Variants in RARB observed in about 807,000 individuals in gnomAD.
RARB encodes HBV-activated protein.
Under a neutral mutation model 51.9 loss-of-function variants are expected in RARB, and 17 were observed. The observed-to-expected ratio is 0.33, with a 90% CI of 0.22 to 0.49. The LOEUF (loss-of-function observed/expected upper bound fraction) is 0.49, where lower values mean the gene tolerates loss of function less well. RARB is among the 20% of genes least tolerant of loss of function. The pLI, the probability that RARB is intolerant of heterozygous loss-of-function variation, is 0.99. For missense variants in RARB, 369 were observed against 550.8 expected, an observed-to-expected ratio of 0.67 and a Z score of 3.30; for synonymous variants, 215 against 195.4, an observed-to-expected ratio of 1.10 and a Z score of -0.84.
intron 5 of RARB, among the ~76,000 whole-genome samples, chr3:25,397,580 A>T (rs1707150476): frequency 6.6e-6 from 1 of 152,198 alleles, no homozygotes; most frequent in Non-Finnish European, 1.5e-5. Flanking sequence ...AAACCTCTCG[A>T]TAATAATTTT....
At chr3:25,035,445 T>C (rs1002714550) in intron 2 of RARB, among the ~76,000 whole-genome samples, 2 of 112,314 alleles carry the variant, frequency 1.8e-5, no homozygotes, top group Non-Finnish European at 3.9e-5. Context: ...TTTTTTTTTT[T>C]TTCTCTCAAG....
chr3:25,564,357 C>T (rs1172793557), intron 3 of RARB, among the ~76,000 whole-genome samples: 3 of 152,248 alleles, frequency 2.0e-5, no homozygotes, highest in African/African-American at 7.2e-5. Flanking sequence ...GAGCACCTTT[C>T]ATCCAAGAAG....
chr3:25,271,335 C>T (rs1471414704), intron 5 of RARB, among the ~76,000 whole-genome samples: 1 of 152,178 alleles, frequency 6.6e-6, no homozygotes, highest in Non-Finnish European at 1.5e-5. Flanking sequence ...AAATAACTAG[C>T]TCTTGAAATG....
chr3:25,091,364 C>T (rs1462998413), intron 3 of RARB, among the ~76,000 whole-genome samples: 1 of 152,152 alleles, frequency 6.6e-6, no homozygotes, highest in East Asian at 1.9e-4. Flanking sequence ...AATGAATTCT[C>T]AAGCTACTGC....
At chr3:25,155,927 C>T (rs1321131529) in intron 4 of RARB, among the ~76,000 whole-genome samples, 2 of 152,158 alleles carry the variant, frequency 1.3e-5, no homozygotes, top group African/African-American at 4.8e-5. Context: ...AACTTAAAAC[C>T]CCCTCCATTG....
intron 5 of RARB, among the ~76,000 whole-genome samples, chr3:25,340,970 T>C (rs1057119605): frequency 1.3e-5 from 2 of 152,218 alleles, no homozygotes; most frequent in Non-Finnish European, 2.9e-5. Context: ...CTTCTGCAGA[T>C]ATTTTCTGTA....
intron 3 of RARB, among the ~76,000 whole-genome samples, chr3:25,551,819 T>C (rs185430447): frequency 6.6e-6 from 1 of 152,268 alleles, no homozygotes; most frequent in East Asian, 1.9e-4. Context: ...ATGTCTCAAG[T>C]TGAGTGTTTC....
intron 5 of RARB, among the ~76,000 whole-genome samples, chr3:25,374,131 G>A (rs1321816515): frequency 1.3e-5 from 2 of 152,152 alleles, no homozygotes; most frequent in Admixed American, 1.3e-4. Flanking sequence ...AGGGTAGGAG[G>A]GCTGAGTGGA....
intron 3 of RARB, among the ~76,000 whole-genome samples, chr3:25,527,671 T>C (rs1013293865): frequency 6.6e-6 from 1 of 152,238 alleles, no homozygotes; most frequent in African/African-American, 2.4e-5. Context: ...TATACCCTTA[T>C]GTTTTAAGGT....
chr3:24,850,681 GT>G (rs1194076030), intron 1 of RARB, among the ~76,000 whole-genome samples: 1 of 152,210 alleles, frequency 6.6e-6, no homozygotes, highest in Non-Finnish European at 1.5e-5. Flanking sequence ...AGTGGGTAAT[GT>G]GAGGTTCTGG....
At position 25,239,720 on chromosome 3, in the gene RARB, G is replaced by T. The variant is rs548267627; in HGVS notation, c.178+65145G>T. Reference sequence around the variant, plus strand: ...TTAGCAGAGACTTGAAATATATTTCGAAATCTAATAGTGTGATGCCTCCCG... The same window carrying T: ...TTAGCAGAGACTTGAAATATATTTCTAAATCTAATAGTGTGATGCCTCCCG... On this transcript the variant is annotated intron_variant, in intron 5 of 11. Transcript: ENST00000383772. Among the ~76,000 whole-genome samples the T allele has an allele frequency of 7.9e-5, 12 of 152,160 alleles. No homozygotes were observed. In the East Asian group the frequency reaches 2.3e-3, roughly 29 times the overall value.
chr3:25,141,896 C>T lies in RARB; in HGVS notation c.-280+9688C>T, dbSNP rs1307857078. On this transcript the variant is annotated intron_variant, in intron 4 of 11. Coordinates refer to the RARB transcript ENST00000383772. ...AGGTCAGTAGGATACATGCATGTGA[C>T]CAATTTCTCGGTTATAAGATTGAGC... is the stretch of plus-strand genomic sequence containing the variant. 2.0e-5 allele frequency among the ~76,000 whole-genome samples: 3 copies of T among 152,086 alleles called. No individual in the cohort carries two copies. In the East Asian group the frequency reaches 5.8e-4, roughly 29 times the overall value.
intron 7 of RARB, among the ~76,000 whole-genome samples, chr3:25,595,501 C>T (rs1701785526): frequency 2.6e-5 from 4 of 152,196 alleles, no homozygotes; most frequent in Admixed American, 2.0e-4. Flanking sequence ...TAGAAGTAAA[C>T]AGCAGATACC....
intron 5 of RARB, among the ~76,000 whole-genome samples, chr3:25,302,133 G>T (rs1432941511): frequency 6.6e-6 from 1 of 152,212 alleles, no homozygotes; most frequent in Non-Finnish European, 1.5e-5. Flanking sequence ...AGTAACAGGT[G>T]TTAGCAAGGA....
chr3:25,278,744 G>A (rs569854156), intron 5 of RARB, among the ~76,000 whole-genome samples: 1 of 152,162 alleles, frequency 6.6e-6, no homozygotes, highest in African/African-American at 2.4e-5. Context: ...CATATTATGT[G>A]AGAATTTGGC....
At chr3:25,410,767 ACAGT>A (rs1447960164) in intron 5 of RARB, among the ~76,000 whole-genome samples, 2 of 152,202 alleles carry the variant, frequency 1.3e-5, no homozygotes, top group Admixed American at 6.5e-5. Context: ...GAAATGGGCC[ACAGT>A]CAGAGTATTT....
chr3:25,218,216 A>G (rs1701874896), intron 5 of RARB, among the ~76,000 whole-genome samples: 1 of 152,050 alleles, frequency 6.6e-6, no homozygotes, highest in African/African-American at 2.4e-5. Flanking sequence ...ATCTAGCTTG[A>G]AGGACTCCAG....
At chr3:25,135,602 G>A (rs1201885176) in intron 4 of RARB, among the ~76,000 whole-genome samples, 1 of 151,976 alleles carries the variant, frequency 6.6e-6, no homozygotes, top group Non-Finnish European at 1.5e-5. Flanking sequence ...CTGAACAGTT[G>A]CGTGCAACAT....
chr3:25,174,203 ATC>A, exon 5 of RARB: 1 of 298,572 alleles, frequency 3.3e-6, no homozygotes, highest in South Asian at 3.6e-5. Flanking sequence ...CCTTCCTGTA[ATC>A]AGTGTAGCAA....
Sources: gnomAD v4.1 joint callset for allele counts (sites outside exome capture counted in the v4.1 genomes callset) on GRCh38, gnomAD v4.1.1 for gene constraint, MANE v1.5 for transcripts, NCBI Gene and HGNC (gene_info 2026-07-23, HGNC 2026-07-21) for gene names.